Variants in PDE7B observed in about 807,000 individuals in gnomAD.
PDE7B encodes 3',5'-cyclic-AMP phosphodiesterase 7B.
Under a neutral mutation model 56.2 loss-of-function variants are expected in PDE7B, and 29 were observed. The ratio of observed to expected loss-of-function variants is 0.52; its 90% CI spans 0.38 to 0.70. The LOEUF (loss-of-function observed/expected upper bound fraction) is 0.70. PDE7B is among the 30% of genes least tolerant of loss of function. The pLI, the probability that PDE7B is intolerant of heterozygous loss-of-function variation, is 0.00. For missense variants in PDE7B, 490 were observed against 565.0 expected (o/e 0.87, Z 1.35); for synonymous variants, 197 against 196.9 (o/e 1.00, Z 0.00).
chr6:135,971,834 G>T (rs1166516727), intron 2 of PDE7B, among the ~76,000 whole-genome samples: 1 of 152,148 alleles, frequency 6.6e-6, no homozygotes, highest in Non-Finnish European at 1.5e-5. Flanking sequence ...ACCTTACAAA[G>T]TATGAAACCT....
chr6:135,934,753 TA>T lies in PDE7B; in HGVS notation c.22-12710del, dbSNP rs1254857649. On this transcript the variant is annotated intron_variant, in intron 1 of 12. Transcript: ENST00000308191. ...TCAAAAAAAAAAATATATATATATA[TA>T]TTTTTTAAATATATATATATATTTA... is the stretch of plus-strand genomic sequence containing the variant. Among the ~76,000 whole-genome samples, 21 of 119,474 alleles carry T rather than the reference TA, an allele frequency of 1.8e-4. No individual in the cohort carries two copies. The South Asian group carries it at 2.4e-3, about 13-fold the overall frequency. The allele number at this position is 119,474 out of a possible 152,430, so 78.4% of individuals were successfully genotyped here.
At chr6:135,871,900 T>G (rs909939752) in intron 1 of PDE7B, among the ~76,000 whole-genome samples, 7 of 152,242 alleles carry the variant, frequency 4.6e-5, no homozygotes, top group Non-Finnish European at 8.8e-5. Context: ...TATCATCTCT[T>G]GGTTTTTAAT....
chr6:135,955,881 C>T (rs184564567), intron 2 of PDE7B, among the ~76,000 whole-genome samples: 2 of 152,158 alleles, frequency 1.3e-5, no homozygotes, highest in East Asian at 3.9e-4. Context: ...AAGAAGAGTC[C>T]AAGAGAATTG....
intron 2 of PDE7B, among the ~76,000 whole-genome samples, chr6:136,016,855 TTAACTC>T (rs1190594107): frequency 2.6e-5 from 4 of 152,226 alleles, no homozygotes; most frequent in Non-Finnish European, 5.9e-5. Flanking sequence ...TGTTTAGAAA[TTAACTC>T]TAAGCCTATT....
chr6:135,853,676 C>A (rs1774975569), intron 1 of PDE7B, among the ~76,000 whole-genome samples: 1 of 152,268 alleles, frequency 6.6e-6, no homozygotes, highest in Non-Finnish European at 1.5e-5. Flanking sequence ...TCTTGAACAA[C>A]ATGTGACAAA....
intron 2 of PDE7B, among the ~76,000 whole-genome samples, chr6:136,027,733 T>C (rs555642101): frequency 6.0e-4 from 92 of 152,302 alleles, no homozygotes; most frequent in African/African-American, 2.2e-3. Flanking sequence ...GCAATTCTCC[T>C]GCCTCAGCCT....
intron 1 of PDE7B, among the ~76,000 whole-genome samples, chr6:135,856,618 C>T (rs1243508876): frequency 1.3e-5 from 2 of 152,078 alleles, no homozygotes; most frequent in African/African-American, 4.8e-5. Flanking sequence ...TTAATCGAGA[C>T]ATTTCTGGGA....
intron 1 of PDE7B, among the ~76,000 whole-genome samples, chr6:135,864,490 C>T (rs1562415508): frequency 2.0e-5 from 3 of 151,744 alleles, no homozygotes; most frequent in African/African-American, 4.8e-5. Flanking sequence ...GATTGTAATC[C>T]CCCTCCTCCT....
chr6:136,158,230 C>A (rs1358182931), intron 8 of PDE7B, among the ~76,000 whole-genome samples: 1 of 152,144 alleles, frequency 6.6e-6, no homozygotes, highest in Non-Finnish European at 1.5e-5. Context: ...TGCAAATTTT[C>A]ATAGGATGTT....
At chr6:135,957,227 T>C (rs1774812785) in intron 2 of PDE7B, among the ~76,000 whole-genome samples, 1 of 152,094 alleles carries the variant, frequency 6.6e-6, no homozygotes, top group Middle Eastern at 3.2e-3. Flanking sequence ...TATGGTGTTC[T>C]GATGAGCTTA....
chr6:136,140,676 G>T (rs1386981143), intron 3 of PDE7B, among the ~76,000 whole-genome samples: 2 of 151,862 alleles, frequency 1.3e-5, no homozygotes, highest in Non-Finnish European at 2.9e-5. Flanking sequence ...CCTTGAAGAG[G>T]TCCTTCACAT....
intron 6 of PDE7B, among the ~76,000 whole-genome samples, chr6:136,153,174 G>T (rs1026508187): frequency 2.0e-5 from 3 of 152,156 alleles, no homozygotes; most frequent in Non-Finnish European, 4.4e-5. Flanking sequence ...AAATAATTTT[G>T]ATTTGTCTGA....
chr6:136,165,765 G>T (rs185759768), intron 8 of PDE7B: 1 of 152,134 alleles, frequency 6.6e-6, no homozygotes, highest in Non-Finnish European at 1.5e-5. Flanking sequence ...GAAATCCCAC[G>T]CAACACTTCT....
At chr6:135,910,991 G>C (rs1023200785) in intron 1 of PDE7B, among the ~76,000 whole-genome samples, 1 of 152,132 alleles carries the variant, frequency 6.6e-6, no homozygotes, top group Admixed American at 6.6e-5. Flanking sequence ...AAAACAGATT[G>C]GTGGGGCAGT....
At chr6:136,187,149 T>A in intron 12 of PDE7B, 33 bp downstream of exon 12, 1 of 1,038,984 alleles carries the variant, frequency 9.6e-7, no homozygotes, top group Non-Finnish European at 1.5e-6. Context: ...TCCAAATAAA[T>A]ACCTTTGGCA....
intron 2 of PDE7B, among the ~76,000 whole-genome samples, chr6:135,959,893 C>T (rs1774866471): frequency 6.6e-6 from 1 of 152,068 alleles, no homozygotes; most frequent in African/African-American, 2.4e-5. Context: ...TTCACCTGAC[C>T]CTCTCAAGTA....
intron 4 of PDE7B, among the ~76,000 whole-genome samples, chr6:136,148,419 G>GAAGGA (rs1289341761): frequency 7.7e-6 from 1 of 129,310 alleles, no homozygotes; most frequent in Non-Finnish European, 1.6e-5. Context: ...AAAGGAAAAA[G>GAAGGA]AAGGAAAGGA....
chr6:135,878,308 A>T (rs1775539614), intron 1 of PDE7B, among the ~76,000 whole-genome samples: 1 of 152,124 alleles, frequency 6.6e-6, no homozygotes, highest in Non-Finnish European at 1.5e-5. Flanking sequence ...TTATAGTGGG[A>T]AAGAGGTCTG....
chr6:135,977,542 A>G (rs78019777), intron 2 of PDE7B, among the ~76,000 whole-genome samples: 4,647 of 152,248 alleles, frequency 0.031, 211 homozygotes, highest in African/African-American at 0.099. Context: ...GAGAAAGTAC[A>G]AGTGGAGTAG....
Sources: gnomAD v4.1 joint callset for allele counts (sites outside exome capture counted in the v4.1 genomes callset) on GRCh38, gnomAD v4.1.1 for gene constraint, MANE v1.5 for transcripts, NCBI Gene and HGNC (gene_info 2026-07-23, HGNC 2026-07-21) for gene names.